The following WDR81 variants were observed in gnomAD, a reference collection of about 807,000 sequenced individuals.
The protein encoded by WDR81 is WD repeat domain 81.
In WDR81, 92 loss-of-function variants were observed where a neutral mutation model predicts 140.8. That is an observed-to-expected ratio of 0.65 (90% confidence interval 0.55 to 0.78). The LOEUF (loss-of-function observed/expected upper bound fraction) is 0.78. Ranked by LOEUF, WDR81 falls within the 30% of genes least tolerant of loss-of-function variation. WDR81 has a pLI of 0.00. For synonymous variants in WDR81, 1,183 were observed against 1,156.4 expected (o/e 1.02, Z -0.47); for missense variants, 2,502 against 2,636.4 (o/e 0.95, Z 1.12).
Position 1,731,092 on chromosome 17 carries a change from C to T in WDR81, c.3991C>T (p.Pro1331Ser), listed in dbSNP as rs370322554. 5.0e-6 allele frequency: 8 copies of T among 1,612,562 alleles called. 1 individual carries two copies. The highest frequency in any genetic ancestry group is 3.3e-5 in the South Asian group (3 of 91,076). Residue 1331 changes from proline to serine, a missense_variant, in exon 4 of 10, where the codon CCC becomes TCC. Pro to Ser is a moderately conservative substitution (Grantham distance 74, BLOSUM62 -1). Transcript: ENST00000409644. ...GGTGGCCCCAGGGAGTGCCTCAGGC[C>T]CCAGCCGACTGAACAGCCGTAAGGA... ...YLVAPGSASGPSRLNSRKEAG... is the reference protein window; with the variant it reads ...YLVAPGSASGSSRLNSRKEAG...
Position 1,731,111 on chromosome 17 carries a change from G to C in WDR81, c.4010G>C (p.Arg1337Pro), listed in dbSNP as rs773481022. 2.3e-5 allele frequency: 37 copies of C among 1,613,146 alleles called. No homozygotes were observed. The highest frequency in any genetic ancestry group is 3.0e-5 in the Non-Finnish European group (35 of 1,179,968). The change falls in exon 4 of 10, where the codon CGT becomes CCT. Residue 1337 changes from arginine to proline, a missense_variant. By Grantham distance (103) the Arg-to-Pro change is moderately radical. Coordinates refer to ENST00000409644, the MANE Select transcript of WDR81 (RefSeq NM_001163809.2). ...SASGPSRLNS[R>P]KEAGLLAAVT... ...TCAGGCCCCAGCCGACTGAACAGCC[G>C]TAAGGAGGCGGGGCTGCTGGCCGCG...
At position 1,736,256 on chromosome 17, in the gene WDR81, C is replaced by T. The variant is rs1434380269; in HGVS notation, c.5505+38C>T. The T allele has an allele frequency of 3.2e-6, 5 of 1,575,798 alleles. No individual in the cohort carries two copies. The Admixed American group carries it at 8.5e-5, about 27-fold the overall frequency. ...GTCTCCCTCCCCTTGCTGCCCAACC[C>T]CCGCCCCTGTCCAGCCATCACCCCT... On this transcript the variant is annotated intron_variant, in intron 9 of 9. Transcript: ENST00000409644.
In WDR81 at chr17:1,731,223, G is replaced by A; in HGVS notation, c.4122G>A (p.Leu1374=). 6.2e-7 allele frequency: 1 copy of A among 1,613,588 alleles called. No homozygotes were observed. The highest frequency in any genetic ancestry group is 8.5e-7 in the Non-Finnish European group (1 of 1,180,004). The change falls in exon 4 of 10, where the codon CTG becomes CTA. Residue 1374 remains leucine, a synonymous_variant. Transcript: ENST00000409644. ...CCCGGATCAGCCATGAGGTCCTGCT[G>A]CCCGTGCTCAGCTTCCTCACCTCCC... is the stretch of plus-strand genomic sequence containing the variant. ...ILPRISHEVL[L]PVLSFLTSLV...
At position 1,737,506 on chromosome 17, in the gene WDR81, G is replaced by A. The variant is rs1264687082; in HGVS notation, c.5647G>A (p.Val1883Ile). Residue 1883 changes from valine (V) to isoleucine (I), a missense_variant, in exon 10 of 10, where the codon GTC becomes ATC. Transcript: ENST00000409644. ...CTTTGACCTGTACGGCAGCGAGGTGGTCACTGGCACCGTGTCCAACAAGAT... is the reference window on the plus strand; with the variant it reads ...CTTTGACCTGTACGGCAGCGAGGTGATCACTGGCACCGTGTCCAACAAGAT... ...HTFDLYGSEV[V>I]TGTVSNKIGV... 1.9e-6 allele frequency: 3 copies of A among 1,613,128 alleles called. No homozygotes were observed. The highest frequency in any genetic ancestry group is 1.3e-5 in the African/African-American group (1 of 75,044).
At position 1,727,315 on chromosome 17, in the gene WDR81, A is replaced by G; in HGVS notation, c.2356A>G (p.Arg786Gly). Residue 786 changes from arginine (R) to glycine (G), a missense_variant, in exon 1 of 10, where the codon AGG becomes GGG. Transcript: ENST00000409644. ...ATTGGCAGAGATGGTGTTTGCCACC[A>G]GGGTGCGGACGCTGCAGCCCGATGC... ...VLLAEMVFAT[R>G]VRTLQPDAPL... 6.5e-7 allele frequency: 1 copy of G among 1,549,970 alleles called. No individual in the cohort carries two copies. Among genetic ancestry groups the G allele is most frequent in the Non-Finnish European group, 8.7e-7 (1 of 1,146,974 alleles).
At position 1,731,256 on chromosome 17, in the gene WDR81, G is replaced by A. The variant is rs143802836; in HGVS notation, c.4155G>A (p.Thr1385=). 6.0e-5 allele frequency: 96 copies of A among 1,612,826 alleles called. No individual in the cohort carries two copies. The African/African-American group carries it at 9.7e-4, about 16-fold the overall frequency. Reference sequence around the variant, plus strand: ...TCAGCTTCCTCACCTCCCTCGTCACGGGGTAGGCCTCTGCCCCAGCTGATG... The same window carrying A: ...TCAGCTTCCTCACCTCCCTCGTCACAGGGTAGGCCTCTGCCCCAGCTGATG... ...PVLSFLTSLV[T]GFPSGAQART... is the part of the protein sequence containing the mutation. Residue 1385 remains threonine (T), a splice_region_variant and synonymous_variant, in exon 4 of 10, where the codon ACG becomes ACA. Transcript: ENST00000409644.
rs1033699843 is a variant in WDR81 at position 1,737,574 on chromosome 17, G to A, written c.5715G>A (p.Thr1905=). ...SLLEPPSQAT[T]KLSSENFRGT... is the part of the protein sequence containing the mutation. ...TTGAGCCACCCTCGCAGGCCACCAC[G>A]AAGCTCAGCTCTGAGAACTTCCGCG... is the stretch of plus-strand genomic sequence containing the variant. The change falls in exon 10 of 10, where the codon ACG becomes ACA. Residue 1905 remains threonine (T), a synonymous_variant. Transcript: ENST00000409644. 1.1e-5 allele frequency: 18 copies of A among 1,612,712 alleles called. No homozygotes were observed. Among genetic ancestry groups the A allele is most frequent in the African/African-American group, 9.3e-5 (7 of 74,924 alleles).
intron 9 of WDR81, among the ~76,000 whole-genome samples, chr17:1,737,073 T>A (rs1461061144): frequency 6.6e-6 from 1 of 152,170 alleles, no homozygotes; most frequent in African/African-American, 2.4e-5. Context: ...ATGGGGACAA[T>A]GGCAGCATCC....
In WDR81 at chr17:1,731,234, G is replaced by C. The variant is rs767551114; in HGVS notation, c.4133G>C (p.Ser1378Thr). 1 of 1,613,544 alleles carries C rather than the reference G, an allele frequency of 6.2e-7. No homozygotes were observed. Residue 1378 changes from serine to threonine, a missense_variant, in exon 4 of 10, where the codon AGC (serine) becomes ACC (threonine). By Grantham distance (58) the Ser-to-Thr change is moderately conservative (BLOSUM62 1). Coordinates refer to ENST00000409644, the MANE Select transcript of WDR81 (RefSeq NM_001163809.2). ...ISHEVLLPVL[S>T]FLTSLVTGFP... ...CATGAGGTCCTGCTGCCCGTGCTCA[G>C]CTTCCTCACCTCCCTCGTCACGGGG...
intron 9 of WDR81, among the ~76,000 whole-genome samples, chr17:1,736,856 C>T (rs989238047): frequency 1.3e-5 from 2 of 152,176 alleles, no homozygotes; most frequent in Non-Finnish European, 2.9e-5. Context: ...TCTTGCATTG[C>T]CCTGCTGACA....
At chr17:1,721,982 G>A (rs1328603091), upstream of WDR81, among the ~76,000 whole-genome samples, 2 of 152,032 alleles carry the variant, frequency 1.3e-5, no homozygotes, top group African/African-American at 2.4e-5. Flanking sequence ...AATTAGCCGG[G>A]CATGGTGGCA....
At chr17:1,724,526 CGGCTGGAGCT>C, upstream of WDR81, 1 of 982,110 alleles carries the variant, frequency 1.0e-6, no homozygotes, top group African/African-American at 1.8e-5. Flanking sequence ...CCGCCGGGCC[CGGCTGGAGCT>C]GGCTGGAGAC....
At position 1,726,848 on chromosome 17, in the gene WDR81, CA is replaced by C. The variant is rs1178470149; in HGVS notation, c.1892del (p.Asn631MetfsTer8). ...TTCACGGAAAACCCGGGACAGCTTC[CA>C]AATGGAGTGGGCCGGCCAGTTTTAG... ...EDFTENPGQL[P>X]NGVGRPVLEA... On this transcript the variant is annotated frameshift_variant, in exon 1 of 10. Coordinates refer to ENST00000409644, the MANE Select transcript of WDR81 (RefSeq NM_001163809.2). LOFTEE classifies it high-confidence loss of function. 6.5e-7 allele frequency: 1 copy of C among 1,550,236 alleles called. No individual in the cohort carries two copies. The highest frequency in any genetic ancestry group is 2.4e-5 in the East Asian group (1 of 40,926).
In WDR81 at chr17:1,730,401, G is replaced by A. The variant is rs763519952; in HGVS notation, c.3689G>A (p.Arg1230His). The A allele has an allele frequency of 7.5e-5, 121 of 1,612,724 alleles. No homozygotes were observed. The highest frequency in any genetic ancestry group is 9.2e-5 in the Non-Finnish European group (109 of 1,179,800). ...GCAGATACAGCCTGCAAGATGGTCC[G>A]CTGGCTGTCTGCCAAGCTCGGCCCC... ...ILLDTACKMV[R>H]WLSAKLGPTV... Residue 1230 changes from arginine (R) to histidine (H), a missense_variant, in exon 2 of 10, where the codon CGC (arginine) becomes CAC (histidine). Arg to His is a conservative substitution (Grantham distance 29). Coordinates refer to ENST00000409644, the MANE Select transcript of WDR81 (RefSeq NM_001163809.2).
At chr17:1,717,003 C>T (rs1484273039) in intron 1 of WDR81, 1 of 360,146 alleles carries the variant, frequency 2.8e-6, no homozygotes, top group African/African-American at 2.0e-5. Context: ...CAAGAGGTAG[C>T]TTTCTAACAA....
intron 9 of WDR81, among the ~76,000 whole-genome samples, chr17:1,736,634 G>C (rs951672576): frequency 2.6e-5 from 4 of 152,226 alleles, no homozygotes; most frequent in African/African-American, 9.6e-5. Flanking sequence ...CAGAGTCCAT[G>C]GCCCTGCCGG....
In WDR81 at chr17:1,727,313, C is replaced by G. The variant is rs780148451; in HGVS notation, c.2354C>G (p.Thr785Ser). 2 of 1,549,894 alleles carry G rather than the reference C, an allele frequency of 1.3e-6. No homozygotes were observed. Among genetic ancestry groups the G allele is most frequent in the Admixed American group, 2.0e-5 (1 of 50,984 alleles). Residue 785 changes from threonine (T) to serine (S), a missense_variant, in exon 1 of 10, where the codon ACC (threonine) becomes AGC (serine). By Grantham distance (58) the Thr-to-Ser change is moderately conservative. This residue lies in a region of WDR81 where 1,737 missense variants were observed against 1,843.0 expected (regional missense o/e 0.94). Coordinates refer to ENST00000409644, the MANE Select transcript of WDR81 (RefSeq NM_001163809.2). ...CTATTGGCAGAGATGGTGTTTGCCA[C>G]CAGGGTGCGGACGCTGCAGCCCGAT... is the stretch of plus-strand genomic sequence containing the variant. ...GVLLAEMVFA[T>S]RVRTLQPDAP...
At chr17:1,716,748 C>A in intron 1 of WDR81, 1 of 1,189,412 alleles carries the variant, frequency 8.4e-7, no homozygotes, top group South Asian at 1.3e-5. Context: ...CCCAAACTGA[C>A]TCGCCGGCCT....
chr17:1,736,130 C>T lies in WDR81; in HGVS notation c.5417C>T (p.Ser1806Phe). The change falls in exon 9 of 10, where the codon TCC becomes TTC. Residue 1806 changes from serine (S) to phenylalanine (F), a missense_variant. Coordinates refer to ENST00000409644, the MANE Select transcript of WDR81 (RefSeq NM_001163809.2). ...PSGRSVVAGF[S>F]SGFMVLLDTR... ...GGCCGTAGTGTCGTGGCCGGCTTCT[C>T]CTCAGGCTTCATGGTGCTCCTGGAC... The T allele has an allele frequency of 6.2e-7, 1 of 1,602,496 alleles. No homozygotes were observed. The highest frequency in any genetic ancestry group is 8.5e-7 in the Non-Finnish European group (1 of 1,179,848).
Sources: gnomAD v4.1 joint callset for allele counts (sites outside exome capture counted in the v4.1 genomes callset) on GRCh38, gnomAD v4.1.1 for gene constraint, gnomAD v4.1.1 regional missense constraint, MANE v1.5 for transcripts, NCBI Gene and HGNC (gene_info 2026-07-23, HGNC 2026-07-21) for gene names.